The following PACRG variants were observed in gnomAD, a reference collection of about 807,000 sequenced individuals.
The protein encoded by PACRG is parkin coregulated.
A neutral mutation model predicts 29.7 loss-of-function variants in PACRG; 29 were observed. That is an observed-to-expected ratio of 0.98 (90% CI 0.73 to 1.33). PACRG has a LOEUF of 1.33. Among genes scored for constraint, PACRG ranks in the 40% most tolerant of loss-of-function variants. The pLI, the probability that PACRG is intolerant of heterozygous loss-of-function variation, is 0.00. For synonymous variants in PACRG, 116 were observed against 118.7 expected, an observed-to-expected ratio of 0.98 and a Z score of 0.15; for missense variants, 279 against 316.2, an observed-to-expected ratio of 0.88 and a Z score of 0.89.
At position 163,241,407 on chromosome 6, in the gene PACRG, G is replaced by A. The variant is rs76837635; in HGVS notation, c.614-73420G>A. Among the ~76,000 whole-genome samples, 611 of 152,262 alleles carry A rather than the reference G, an allele frequency of 4.0e-3. 4 individuals carry two copies. The highest frequency in any genetic ancestry group is 0.012 in the African/African-American group (516 of 41,560). On this transcript the variant is annotated intron_variant, in intron 4 of 4. Coordinates refer to ENST00000366888, the MANE Select transcript of PACRG (RefSeq NM_001080379.2). The stretch of plus-strand genomic sequence containing the variant: ...AAGTCTTGAACTTTATGTTCATTTC[G>A]CTTTTAACAGGTGTGTGTATGTAAT...
At chr6:162,759,588 A>G (rs1219071210) in intron 1 of PACRG, among the ~76,000 whole-genome samples, 1 of 152,154 alleles carries the variant, frequency 6.6e-6, no homozygotes, top group Non-Finnish European at 1.5e-5. Flanking sequence ...AGCTTTACTA[A>G]TAGTTGTGGT....
At chr6:162,992,834 G>A (rs1476571490) in intron 2 of PACRG, among the ~76,000 whole-genome samples, 2 of 145,064 alleles carry the variant, frequency 1.4e-5, no homozygotes, top group African/African-American at 5.1e-5. Flanking sequence ...TGTGATGTTA[G>A]GGTGTCAATT....
intron 4 of PACRG, among the ~76,000 whole-genome samples, chr6:163,201,993 C>G (rs985344464): frequency 1.3e-5 from 2 of 152,164 alleles, no homozygotes; most frequent in African/African-American, 4.8e-5. Context: ...GGGCTTAGAG[C>G]CAGACTTTGA....
intron 2 of PACRG, among the ~76,000 whole-genome samples, chr6:162,850,515 C>A (rs1790769092): frequency 6.6e-6 from 1 of 152,092 alleles, no homozygotes; most frequent in African/African-American, 2.4e-5. Flanking sequence ...GGGAGAGGGG[C>A]TGAGGGTTAA....
intron 4 of PACRG, among the ~76,000 whole-genome samples, chr6:163,093,061 T>C (rs1814258995): frequency 6.6e-6 from 1 of 152,246 alleles, no homozygotes; most frequent in South Asian, 2.1e-4. Context: ...GCCAAATAAG[T>C]GAAAGACTCA....
At chr6:162,824,394 G>C (rs1157319593) in intron 2 of PACRG, among the ~76,000 whole-genome samples, 1 of 152,108 alleles carries the variant, frequency 6.6e-6, no homozygotes, top group Non-Finnish European at 1.5e-5. Flanking sequence ...GCCTCTGGTT[G>C]CAAAACATAA....
chr6:162,776,933 A>G (rs978177339), intron 1 of PACRG, among the ~76,000 whole-genome samples: 19 of 152,130 alleles, frequency 1.2e-4, no homozygotes, highest in African/African-American at 4.6e-4. Context: ...CTTTGGGGAA[A>G]GGGTGGCAGG....
At chr6:163,011,611 T>C (rs1041327066) in intron 2 of PACRG, among the ~76,000 whole-genome samples, 3 of 152,184 alleles carry the variant, frequency 2.0e-5, no homozygotes, top group Non-Finnish European at 4.4e-5. Flanking sequence ...ACTCCATTTA[T>C]ACAAAATAGT....
chr6:162,926,911 C>A (rs769432366), intron 2 of PACRG, among the ~76,000 whole-genome samples: 29 of 151,450 alleles, frequency 1.9e-4, no homozygotes, highest in Non-Finnish European at 3.7e-4. Flanking sequence ...ACCCATCTGA[C>A]AAAGGTCTAA....
intron 4 of PACRG, among the ~76,000 whole-genome samples, chr6:163,178,020 C>A (rs1173047830): frequency 6.6e-6 from 1 of 152,058 alleles, no homozygotes; most frequent in Non-Finnish European, 1.5e-5. Flanking sequence ...GGACTCAAGA[C>A]AGAACAAGGA....
intron 4 of PACRG, among the ~76,000 whole-genome samples, chr6:163,250,382 G>A (rs1782855820): frequency 1.3e-5 from 2 of 152,234 alleles, no homozygotes; most frequent in African/African-American, 4.8e-5. Flanking sequence ...ATGCTCGGGG[G>A]CCCCATGCAC....
chr6:162,727,594 C>G, upstream of PACRG: 1 of 1,503,652 alleles, frequency 6.7e-7, no homozygotes, highest in Non-Finnish European at 9.1e-7. Context: ...TCGGCCGAGG[C>G]GGGGCGTGGC....
chr6:162,969,748 C>T (rs892523643), intron 2 of PACRG, among the ~76,000 whole-genome samples: 1 of 152,186 alleles, frequency 6.6e-6, no homozygotes, highest in African/African-American at 2.4e-5. Context: ...ATGTCACTAT[C>T]TTCAAGACGT....
chr6:162,860,962 G>A (rs1791806687), intron 2 of PACRG, among the ~76,000 whole-genome samples: 1 of 151,934 alleles, frequency 6.6e-6, no homozygotes, highest in African/African-American at 2.4e-5. Context: ...TTGCTTTTTT[G>A]CTCACCAAAC....
In PACRG at chr6:163,055,909, G is replaced by A. The variant is rs1448650378; in HGVS notation, c.292-6241G>A. Among the ~76,000 whole-genome samples, 1 of 152,038 alleles carries A rather than the reference G, an allele frequency of 6.6e-6. No homozygotes were observed. Among genetic ancestry groups the A allele is most frequent in the African/African-American group, 2.4e-5 (1 of 41,392 alleles). On this transcript the variant is annotated intron_variant, in intron 2 of 4. Coordinates refer to ENST00000366888, the MANE Select transcript of PACRG (RefSeq NM_001080379.2). This position sits in a 1 kb window ranked among gnomAD's most constrained non-coding sequence, Gnocchi z 4.0. ...TCTCTTGGATTTGTCTATTCCGAAC[G>A]TTTCATAGAAATGGAATCGTACAGT...
chr6:162,733,520 A>G (rs554662499), intron 1 of PACRG, among the ~76,000 whole-genome samples: 56 of 152,166 alleles, frequency 3.7e-4, no homozygotes, highest in Admixed American at 9.8e-4. Context: ...CTAATTGTGG[A>G]GCCCAGAAGC....
chr6:162,983,596 G>T (rs533628623), intron 2 of PACRG, among the ~76,000 whole-genome samples: 2 of 151,894 alleles, frequency 1.3e-5, no homozygotes. Context: ...GATATTCTTG[G>T]CTGATAATTA....
At chr6:163,221,326 G>T (rs1044427095) in intron 4 of PACRG, among the ~76,000 whole-genome samples, 8 of 152,204 alleles carry the variant, frequency 5.3e-5, no homozygotes, top group African/African-American at 1.9e-4. Context: ...GGGTGTTGCG[G>T]GAAGGTTGAT....
At chr6:162,995,015 G>A (rs1396338036) in intron 2 of PACRG, among the ~76,000 whole-genome samples, 1 of 151,028 alleles carries the variant, frequency 6.6e-6, no homozygotes, top group East Asian at 2.0e-4. Context: ...AGGTGTCAGT[G>A]TGCCCCTGCT....
Sources: gnomAD v4.1 joint callset for allele counts (sites outside exome capture counted in the v4.1 genomes callset) on GRCh38, gnomAD v4.1.1 for gene constraint, Gnocchi (gnomAD v3.1) non-coding constraint, MANE v1.5 for transcripts, NCBI Gene and HGNC (gene_info 2026-07-23, HGNC 2026-07-21) for gene names.